The following SCN8A variants were observed in gnomAD, a reference collection of about 807,000 sequenced individuals.
The protein encoded by SCN8A is sodium channel protein type 8 subunit alpha.
Under a neutral mutation model 184.1 loss-of-function variants are expected in SCN8A, and 30 were observed. The ratio of observed to expected loss-of-function variants is 0.16; its 90% CI spans 0.12 to 0.22. The LOEUF (loss-of-function observed/expected upper bound fraction) is 0.22, where lower values mean the gene tolerates loss of function less well. Ranked by LOEUF, SCN8A falls within the 10% of genes least tolerant of loss-of-function variation. SCN8A has a pLI of 1.00. For missense variants in SCN8A, 1,057 were observed against 2,498.9 expected (o/e 0.42, Z 12.30); for synonymous variants, 852 against 907.0 (o/e 0.94, Z 1.09).
At chr12:51,628,285 C>A (rs1940123071) in intron 1 of SCN8A, among the ~76,000 whole-genome samples, 1 of 152,170 alleles carries the variant, frequency 6.6e-6, no homozygotes, top group African/African-American at 2.4e-5. Flanking sequence ...AGACAAGTGA[C>A]CTCCAAATTT....
rs1394886694 is a variant in SCN8A at position 51,705,611 on chromosome 12, G to A, written c.1329G>A (p.Gln443=). 3.1e-6 allele frequency: 5 copies of A among 1,613,116 alleles called. No homozygotes were observed. In the Admixed American group the frequency reaches 8.3e-5, roughly 27 times the overall value. The stretch of plus-strand genomic sequence containing the variant: ...TGTTGGAGCAACTTAAGAAGCAACA[G>A]GAAGAGGCACAGGTTGGTGATGAAT... The part of the protein sequence containing the change: ...KAMLEQLKKQ[Q]EEAQAAAMAT... Residue 443 remains glutamine, a synonymous_variant, in exon 10 of 27, where the codon CAG becomes CAA. Transcript: ENST00000627620.
At chr12:51,613,846 G>A (rs1450751201) in intron 1 of SCN8A, among the ~76,000 whole-genome samples, 1 of 150,544 alleles carries the variant, frequency 6.6e-6, no homozygotes, top group Non-Finnish European at 1.5e-5. Flanking sequence ...TGTTTGGAGT[G>A]TTGGGAGATT....
intron 20 of SCN8A, among the ~76,000 whole-genome samples, chr12:51,774,831 T>C (rs143406424): frequency 2.8e-4 from 43 of 152,314 alleles, no homozygotes; most frequent in African/African-American, 9.9e-4. Context: ...ACTCAAGTCT[T>C]GATACCGGAC....
chr12:51,688,821 G>A lies in SCN8A; in HGVS notation c.615-184G>A. The A allele has an allele frequency of 6.2e-7, 1 of 1,613,908 alleles. No homozygotes were observed. Among genetic ancestry groups the A allele is most frequent in the Non-Finnish European group, 8.5e-7 (1 of 1,179,846 alleles). ...CTCTACGCACTTTCAGGGTACTGAGGGCTTTGAAAACTATTTCGGTAATCC... is the reference window on the plus strand; with the variant it reads ...CTCTACGCACTTTCAGGGTACTGAGAGCTTTGAAAACTATTTCGGTAATCC... On this transcript the variant is annotated intron_variant, in intron 5 of 26. Transcript: ENST00000627620.
At chr12:51,632,277 AG>A (rs1940212821) in intron 1 of SCN8A, among the ~76,000 whole-genome samples, 1 of 152,230 alleles carries the variant, frequency 6.6e-6, no homozygotes, top group Admixed American at 6.5e-5. Flanking sequence ...TCTTTTTAAA[AG>A]CACAAATGAT....
intron 11 of SCN8A, among the ~76,000 whole-genome samples, chr12:51,720,764 G>A (rs1942040019): frequency 6.6e-6 from 1 of 152,014 alleles, no homozygotes. Context: ...ATACAGGCAC[G>A]TTTTAAATTC....
chr12:51,786,691 A>T lies in SCN8A; in HGVS notation c.4092A>T (p.Arg1364=). The change falls in exon 22 of 27, where the codon CGA becomes CGT. Residue 1364 remains arginine, a synonymous_variant. Transcript: ENST00000627620. ...GCTTTAATGAGACTTCTGAAATCCG[A>T]TTTGAAATTGAAGATGTCAACAATA... ...HYCFNETSEI[R]FEIEDVNNKT... 6.2e-7 allele frequency: 1 copy of T among 1,614,008 alleles called. No homozygotes were observed. The highest frequency in any genetic ancestry group is 8.5e-7 in the Non-Finnish European group (1 of 1,179,898).
In SCN8A at chr12:51,607,744, T is replaced by C. The variant is rs377241522; in HGVS notation, c.-55+16385T>C. On this transcript the variant is annotated intron_variant, in intron 1 of 26. Transcript: ENST00000627620. ...TGTATCACATTTATTGACTTCCATA[T>C]GTTAAGCCATCCCTGCATCCTTGAT... is the stretch of plus-strand genomic sequence containing the variant. 6.8e-4 allele frequency among the ~76,000 whole-genome samples: 104 copies of C among 152,364 alleles called. 1 individual carries two copies. The highest frequency in any genetic ancestry group is 2.4e-3 in the African/African-American group (99 of 41,584).
At position 51,716,312 on chromosome 12, in the gene SCN8A, A is replaced by G. The variant is rs183327820; in HGVS notation, c.1636-5234A>G. Among the ~76,000 whole-genome samples, 10 of 152,328 alleles carry G rather than the reference A, an allele frequency of 6.6e-5. No homozygotes were observed. The East Asian group carries it at 1.5e-3, about 24-fold the overall frequency. On this transcript the variant is annotated intron_variant, in intron 11 of 26. Coordinates refer to ENST00000627620, the MANE Select transcript of SCN8A (RefSeq NM_001330260.2). ...TGAGGCTGCAGTGAGTGATTGCACT[A>G]TTGCACTCCAGCCCAGGCAACAGAG... is the stretch of plus-strand genomic sequence containing the variant.
intron 1 of SCN8A, among the ~76,000 whole-genome samples, chr12:51,635,970 A>G (rs1940307211): frequency 6.6e-6 from 1 of 152,150 alleles, no homozygotes. Flanking sequence ...TTCCCCAAAG[A>G]TAACTACTAC....
chr12:51,592,072 C>A (rs1335413011), intron 1 of SCN8A, among the ~76,000 whole-genome samples: 1 of 135,180 alleles, frequency 7.4e-6, no homozygotes, highest in Non-Finnish European at 1.6e-5. Flanking sequence ...CCCCCCACCC[C>A]CACGCCACCC....
intron 26 of SCN8A, among the ~76,000 whole-genome samples, chr12:51,803,736 T>C (rs1452898168): frequency 6.6e-6 from 1 of 152,086 alleles, no homozygotes; most frequent in Non-Finnish European, 1.5e-5. Context: ...ACTTCTTTGG[T>C]CACTGGTTAT....
At chr12:51,679,478 C>G (rs1941287638) in intron 2 of SCN8A, among the ~76,000 whole-genome samples, 1 of 152,192 alleles carries the variant, frequency 6.6e-6, no homozygotes. Flanking sequence ...AACACAGCCA[C>G]TCTTCTTGGG....
chr12:51,632,131 A>C (rs1171839197), intron 1 of SCN8A, among the ~76,000 whole-genome samples: 1 of 152,176 alleles, frequency 6.6e-6, no homozygotes, highest in African/African-American at 2.4e-5. Context: ...TGTTCAAGGA[A>C]CTTACCATAG....
At chr12:51,679,294 T>G (rs574802551) in intron 2 of SCN8A, among the ~76,000 whole-genome samples, 18 of 152,286 alleles carry the variant, frequency 1.2e-4, no homozygotes, top group South Asian at 6.2e-4. Context: ...ATGATTCTTA[T>G]GCAGTCAGTC....
chr12:51,624,378 T>C (rs1054435550), intron 1 of SCN8A, among the ~76,000 whole-genome samples: 14 of 152,244 alleles, frequency 9.2e-5, no homozygotes, highest in Non-Finnish European at 4.4e-5. Flanking sequence ...ATGAGCATTT[T>C]TTCATGTGTT....
At chr12:51,720,554 T>C (rs552381536) in intron 11 of SCN8A, among the ~76,000 whole-genome samples, 2 of 151,616 alleles carry the variant, frequency 1.3e-5, no homozygotes, top group South Asian at 4.2e-4. Context: ...TGTATACATA[T>C]GTAACAAACC....
At chr12:51,714,247 G>A (rs1941929381) in intron 11 of SCN8A, among the ~76,000 whole-genome samples, 2 of 152,182 alleles carry the variant, frequency 1.3e-5, no homozygotes, top group South Asian at 2.1e-4. Flanking sequence ...TAGTTGTGAC[G>A]TGGAAACTAT....
chr12:51,770,707 G>A, intron 19 of SCN8A, 24 bp downstream of exon 19: 1 of 1,611,054 alleles, frequency 6.2e-7, no homozygotes, highest in Non-Finnish European at 8.5e-7. Context: ...GAGAGTGTGA[G>A]GAGGGATTGG....
Sources: gnomAD v4.1 joint callset for allele counts (sites outside exome capture counted in the v4.1 genomes callset) on GRCh38, gnomAD v4.1.1 for gene constraint, MANE v1.5 for transcripts, NCBI Gene and HGNC (gene_info 2026-07-23, HGNC 2026-07-21) for gene names.